Variants in PRKCA observed in about 807,000 individuals in gnomAD.
PRKCA encodes protein kinase C alpha type.
Under a neutral mutation model 87.0 loss-of-function variants are expected in PRKCA, and 27 were observed. The observed-to-expected ratio is 0.31, with a 90% CI of 0.23 to 0.43. PRKCA has a LOEUF of 0.43. Ranked by LOEUF, PRKCA falls within the 20% of genes least tolerant of loss-of-function variation. The pLI is 1.00. For missense variants in PRKCA, 518 were observed against 852.3 expected (o/e 0.61, Z 4.88); for synonymous variants, 329 against 311.1 (o/e 1.06, Z -0.61).
chr17:66,468,688 G>A (rs1465180058), intron 2 of PRKCA, among the ~76,000 whole-genome samples: 2 of 152,100 alleles, frequency 1.3e-5, no homozygotes, highest in African/African-American at 4.8e-5. Flanking sequence ...GGGCAAGAGC[G>A]CACAGGTAAA....
intron 3 of PRKCA, among the ~76,000 whole-genome samples, chr17:66,618,995 A>G (rs1970594114): frequency 6.6e-6 from 1 of 152,210 alleles, no homozygotes; most frequent in Non-Finnish European, 1.5e-5. Flanking sequence ...AGTTGATCTC[A>G]TTGGGCATAA....
chr17:66,317,481 C>T (rs946173442), intron 2 of PRKCA, among the ~76,000 whole-genome samples: 1 of 152,150 alleles, frequency 6.6e-6, no homozygotes, highest in African/African-American at 2.4e-5. Context: ...GTAGGCTGCC[C>T]TTGTGTGTGA....
At chr17:66,423,411 A>G (rs1912605371) in intron 2 of PRKCA, among the ~76,000 whole-genome samples, 2 of 152,220 alleles carry the variant, frequency 1.3e-5, no homozygotes, top group South Asian at 4.1e-4. Flanking sequence ...TAGTTTGATA[A>G]TTCAGAGAGG....
chr17:66,622,505 G>T (rs1970715055), intron 3 of PRKCA, among the ~76,000 whole-genome samples: 1 of 152,200 alleles, frequency 6.6e-6, no homozygotes, highest in African/African-American at 2.4e-5. Flanking sequence ...GACCCATGGT[G>T]GTTACCTTTT....
At chr17:66,775,161 C>T (rs1201350621) in intron 14 of PRKCA, 1 of 815,956 alleles carries the variant, frequency 1.2e-6, no homozygotes, top group African/African-American at 6.4e-5. Context: ...CTTTGAATGA[C>T]CCTGTGGTCA....
intron 2 of PRKCA, among the ~76,000 whole-genome samples, chr17:66,353,786 G>T (rs369484219): frequency 6.6e-6 from 1 of 152,164 alleles, no homozygotes; most frequent in African/African-American, 2.4e-5. Flanking sequence ...AAGGAATTAA[G>T]ATGGTCTGAG....
At chr17:66,505,801 G>A (rs1916950243) in intron 3 of PRKCA, among the ~76,000 whole-genome samples, 1 of 152,176 alleles carries the variant, frequency 6.6e-6, no homozygotes, top group African/African-American at 2.4e-5. Context: ...TAGAGAGTGT[G>A]TTTGAATCAT....
At chr17:66,377,534 C>G (rs898087210) in intron 2 of PRKCA, among the ~76,000 whole-genome samples, 1 of 145,968 alleles carries the variant, frequency 6.9e-6, no homozygotes, top group Non-Finnish European at 1.5e-5. Context: ...TATATAATGC[C>G]TATATTATGT....
intron 2 of PRKCA, among the ~76,000 whole-genome samples, chr17:66,315,805 A>G (rs1905286134): frequency 6.6e-6 from 1 of 152,138 alleles, no homozygotes; most frequent in Admixed American, 6.5e-5. Context: ...ATTCAGTAGC[A>G]CTTAATGTGC....
intron 3 of PRKCA, among the ~76,000 whole-genome samples, chr17:66,542,346 T>C (rs11656279): frequency 0.055 from 8,401 of 152,220 alleles, 262 homozygotes; most frequent in South Asian, 0.12. Flanking sequence ...AAGAGCTTCC[T>C]GTGTGTGGTT....
At chr17:66,531,888 T>C (rs1338289544) in intron 3 of PRKCA, among the ~76,000 whole-genome samples, 1 of 152,178 alleles carries the variant, frequency 6.6e-6, no homozygotes, top group East Asian at 1.9e-4. Flanking sequence ...TCCCCAGACC[T>C]CATAGTCTGG....
chr17:66,756,353 G>T (rs1056084096), intron 13 of PRKCA, among the ~76,000 whole-genome samples: 4 of 151,962 alleles, frequency 2.6e-5, no homozygotes, highest in Non-Finnish European at 5.9e-5. Flanking sequence ...AAGAGGAGAG[G>T]GGGGAGACCA....
intron 2 of PRKCA, among the ~76,000 whole-genome samples, chr17:66,369,315 C>T (rs56005409): frequency 0.16 from 23,609 of 152,088 alleles, 2,367 homozygotes; most frequent in South Asian, 0.26. Flanking sequence ...ACGGGAGGAT[C>T]ATGTGAAGAT....
intron 3 of PRKCA, among the ~76,000 whole-genome samples, chr17:66,614,913 A>C (rs1490284530): frequency 6.6e-6 from 1 of 152,064 alleles, no homozygotes; most frequent in Non-Finnish European, 1.5e-5. Context: ...ATTCCAAATA[A>C]CAGCAGACTG....
intron 13 of PRKCA, among the ~76,000 whole-genome samples, chr17:66,762,815 G>A (rs1288967244): frequency 6.6e-6 from 1 of 152,160 alleles, no homozygotes; most frequent in African/African-American, 2.4e-5. Flanking sequence ...ATTTGTTTTA[G>A]ACGGAGTCTC....
chr17:66,721,756 T>A (rs902524091), intron 8 of PRKCA, among the ~76,000 whole-genome samples: 1 of 152,230 alleles, frequency 6.6e-6, no homozygotes, highest in African/African-American at 2.4e-5. Context: ...TACTGCATCC[T>A]GTTTTATCAT....
intron 3 of PRKCA, among the ~76,000 whole-genome samples, chr17:66,540,268 G>A (rs1356796101): frequency 6.6e-6 from 1 of 152,236 alleles, no homozygotes; most frequent in Non-Finnish European, 1.5e-5. Flanking sequence ...AGCCAGCCCA[G>A]GGTTCTGAGA....
At chr17:66,741,116 A>G (rs1974150677) in intron 11 of PRKCA, among the ~76,000 whole-genome samples, 2 of 152,210 alleles carry the variant, frequency 1.3e-5, no homozygotes, top group African/African-American at 4.8e-5. Flanking sequence ...ATGTATTAAC[A>G]ATTTTGAAGT....
At chr17:66,412,821 C>T (rs1322962827) in intron 2 of PRKCA, 1 of 152,218 alleles carries the variant, frequency 6.6e-6, no homozygotes, top group Admixed American at 6.5e-5. Context: ...ATCACTTCCT[C>T]CATGGTCTCT....
Sources: gnomAD v4.1 joint callset for allele counts (sites outside exome capture counted in the v4.1 genomes callset) on GRCh38, gnomAD v4.1.1 for gene constraint, MANE v1.5 for transcripts, NCBI Gene and HGNC (gene_info 2026-07-23, HGNC 2026-07-21) for gene names.